Variants in GLG1 observed in about 807,000 individuals in gnomAD.
GLG1 encodes the protein Golgi apparatus protein 1.
A neutral mutation model predicts 160.5 loss-of-function variants in GLG1; 38 were observed. That is an observed-to-expected ratio of 0.24 (90% CI 0.18 to 0.31). The LOEUF (loss-of-function observed/expected upper bound fraction) is 0.31. Among genes scored for constraint, GLG1 ranks in the 10% least tolerant of loss-of-function variants. The probability of loss-of-function intolerance (pLI) is 1.00; values close to 1 mark genes in which losing one functional copy is unlikely to be tolerated. For synonymous variants in GLG1, 644 were observed against 543.4 expected (o/e 1.19, Z -2.57); for missense variants, 1,373 against 1,505.2 (o/e 0.91, Z 1.45).
intron 1 of GLG1, among the ~76,000 whole-genome samples, chr16:74,540,071 T>A (rs1213497310): frequency 0.065 from 42 of 650 alleles, 18 homozygotes; most frequent in South Asian, 0.5. Flanking sequence ...TATATATATA[T>A]TATATATATT....
intron 1 of GLG1, among the ~76,000 whole-genome samples, chr16:74,589,980 T>G (rs1290656293): frequency 7.8e-6 from 1 of 128,378 alleles, no homozygotes; most frequent in African/African-American, 3.2e-5. Flanking sequence ...ATAGTACAAA[T>G]TCTTGAAACT....
intron 1 of GLG1, among the ~76,000 whole-genome samples, chr16:74,553,469 G>GT (rs537408696): frequency 0.024 from 2,519 of 106,090 alleles, 77 homozygotes; most frequent in African/African-American, 0.055. Context: ...TTTTGTTTCG[G>GT]TTTTTTTTTT....
chr16:74,534,953 T>C (rs1351420774), intron 1 of GLG1, among the ~76,000 whole-genome samples: 2 of 152,154 alleles, frequency 1.3e-5, no homozygotes, highest in African/African-American at 4.8e-5. Context: ...TTTTAGGAGA[T>C]ACAATATGAG....
chr16:74,535,790 C>T (rs142046160), intron 1 of GLG1, among the ~76,000 whole-genome samples: 1 of 151,826 alleles, frequency 6.6e-6, no homozygotes, highest in East Asian at 1.9e-4. Flanking sequence ...ATAGGAATGC[C>T]GTAAAAACAA....
intron 9 of GLG1, among the ~76,000 whole-genome samples, chr16:74,485,049 G>T (rs1240301950): frequency 1.3e-5 from 2 of 152,122 alleles, no homozygotes; most frequent in Non-Finnish European, 1.5e-5. Context: ...AAGGGGATGG[G>T]ACTACAGGCA....
intron 2 of GLG1, among the ~76,000 whole-genome samples, chr16:74,510,907 A>C (rs2016783939): frequency 6.6e-6 from 1 of 152,134 alleles, no homozygotes; most frequent in Non-Finnish European, 1.5e-5. Context: ...TTGGTCAGGG[A>C]AGATTTACCA....
rs555113693 is a variant in GLG1, at chr16:74,503,197, A to G, written c.774+334T>C. 3.3e-5 allele frequency among the ~76,000 whole-genome samples: 5 copies of G among 151,164 alleles called. No individual in the cohort carries two copies. The South Asian group carries it at 6.3e-4, about 19-fold the overall frequency. ...ACTCCAGCCTGGGAAACAGAGGGAG[A>G]CTCTGTTTCAAAAAAAAAATATTAG... On this transcript the variant is annotated intron_variant, in intron 4 of 25. Coordinates refer to ENST00000422840, the MANE Select transcript of GLG1 (RefSeq NM_001145667.2).
At chr16:74,603,731 C>T (rs746690739) in intron 1 of GLG1, among the ~76,000 whole-genome samples, 1 of 152,138 alleles carries the variant, frequency 6.6e-6, no homozygotes, top group Non-Finnish European at 1.5e-5. Context: ...TTCCTTATCA[C>T]ATACTAAGCA....
rs138228089 is a variant in GLG1 at position 74,508,995 on chromosome 16, G to A, written c.472-70C>T. The A allele has an allele frequency of 1.9e-4, 133 of 702,900 alleles. No individual in the cohort carries two copies. The African/African-American group carries it at 2.0e-3, about 10-fold the overall frequency. The allele number at this position is 702,900 out of a possible 1,614,324, so 43.5% of individuals were successfully genotyped here. A position where few individuals can be genotyped will look rare whatever the true frequency, so the allele number is the denominator to read the frequency against. On this transcript the variant is annotated intron_variant, in intron 2 of 25. Coordinates refer to ENST00000422840, the MANE Select transcript of GLG1 (RefSeq NM_001145667.2). ...GAACAGTACGAAATTTATTATCAAC[G>A]TTAAATGACAAAAGCCAATTATACA...
At chr16:74,555,951 C>T (rs2018341353) in intron 1 of GLG1, among the ~76,000 whole-genome samples, 1 of 151,870 alleles carries the variant, frequency 6.6e-6, no homozygotes, top group Non-Finnish European at 1.5e-5. Context: ...GCAATCCTCC[C>T]GCCTCAGCTT....
chr16:74,478,925 G>C (rs1157250024), intron 11 of GLG1, among the ~76,000 whole-genome samples: 1 of 138,940 alleles, frequency 7.2e-6, no homozygotes, highest in Non-Finnish European at 1.5e-5. Flanking sequence ...GGTTATTTTG[G>C]CCAGGCGCAG....
chr16:74,531,696 TCTTCTGTATAGA>T (rs2017540287), intron 2 of GLG1, among the ~76,000 whole-genome samples: 1 of 152,236 alleles, frequency 6.6e-6, no homozygotes, highest in Non-Finnish European at 1.5e-5. Context: ...GTCTCCAGTG[TCTTCTGTATAGA>T]CTTCTACCAA....
intron 25 of GLG1, among the ~76,000 whole-genome samples, chr16:74,455,297 C>T (rs1373609638): frequency 1.3e-5 from 2 of 152,116 alleles, no homozygotes; most frequent in African/African-American, 4.8e-5. Context: ...TGGGCTGTTT[C>T]TATGCTCATA....
At position 74,569,186 on chromosome 16, in the gene GLG1, A is replaced by G. The variant is rs147834996; in HGVS notation, c.439-37033T>C. On this transcript the variant is annotated intron_variant, in intron 1 of 25. Transcript: ENST00000422840. ...AACCAGCCTTTCCACAGATCTGAGCACAGATTTGTACTGTATGGGTGTTTC... is the reference window on the plus strand; with the variant it reads ...AACCAGCCTTTCCACAGATCTGAGCGCAGATTTGTACTGTATGGGTGTTTC... 6.6e-5 allele frequency among the ~76,000 whole-genome samples: 10 copies of G among 152,360 alleles called. No individual in the cohort carries two copies. In the East Asian group the frequency reaches 1.9e-3, roughly 29 times the overall value.
chr16:74,572,527 CA>C (rs35659060), intron 1 of GLG1, among the ~76,000 whole-genome samples: 2,931 of 127,434 alleles, frequency 0.023, 42 homozygotes, highest in South Asian at 0.032. Flanking sequence ...AAAAAACAAA[CA>C]AAAAAAAAAA....
At chr16:74,470,306 C>CCA (rs2015152603) in intron 15 of GLG1, among the ~76,000 whole-genome samples, 2 of 120,036 alleles carry the variant, frequency 1.7e-5, no homozygotes, top group Non-Finnish European at 3.7e-5. Context: ...CCTTCCTTCC[C>CCA]TCCCTCCCTC....
Position 74,453,020 on chromosome 16 carries a change from G to C in GLG1, c.*147C>G. 7.1e-7 allele frequency: 1 copy of C among 1,401,914 alleles called. No individual in the cohort carries two copies. Among genetic ancestry groups the C allele is most frequent in the Non-Finnish European group, 9.3e-7 (1 of 1,075,992 alleles). 86.8% of individuals were successfully genotyped at this position (1,401,914 alleles called of 1,614,324 possible). On this transcript the variant is annotated 3_prime_UTR_variant, in exon 26 of 26. Coordinates refer to ENST00000422840, the MANE Select transcript of GLG1 (RefSeq NM_001145667.2). ...ACACCATGGACACGAGTGGAGGCTG[G>C]ATGGGACAACGCAGTGGACATCTGC...
chr16:74,562,538 C>G (rs1330030319), intron 1 of GLG1, among the ~76,000 whole-genome samples: 2 of 152,200 alleles, frequency 1.3e-5, no homozygotes, highest in African/African-American at 4.8e-5. Context: ...CAGCTCTCTG[C>G]AACCTCCACC....
chr16:74,606,238 C>G (rs1031853556), intron 1 of GLG1, among the ~76,000 whole-genome samples: 15 of 152,232 alleles, frequency 9.9e-5, no homozygotes, highest in African/African-American at 2.7e-4. Context: ...TCATTCTTTA[C>G]AGCCTAAGTA....
Sources: allele counts gnomAD v4.1 joint callset (sites outside exome capture counted in the v4.1 genomes callset), GRCh38; gene constraint gnomAD v4.1.1; transcripts MANE v1.5; gene names NCBI Gene and HGNC (gene_info 2026-07-23, HGNC 2026-07-21).